Variants in ADAMTSL1 observed in about 807,000 individuals in gnomAD.
ADAMTSL1 encodes the protein ADAMTS like 1.
ADAMTSL1 carries 126 observed loss-of-function variants against 201.8 expected under a neutral mutation model. The observed-to-expected ratio is 0.62, with a 90% CI of 0.54 to 0.72. ADAMTSL1 has a LOEUF of 0.72. Ranked by LOEUF, ADAMTSL1 falls within the 30% of genes least tolerant of loss-of-function variation. The probability of loss-of-function intolerance (pLI) is 0.00; values close to 1 mark genes in which losing one functional copy is unlikely to be tolerated. For synonymous variants in ADAMTSL1, 1,121 were observed against 903.4 expected (o/e 1.24, Z -4.32); for missense variants, 2,679 against 2,277.8 (o/e 1.18, Z -3.59).
In ADAMTSL1 at chr9:18,262,507, T is replaced by C. The variant is rs7857032; in HGVS notation, c.207+98526T>C. ...CGTATAAGAGACATTCTTCAGGGGATAGAGTACCACTGAGCTTCTTCTATT... is the reference window on the plus strand; with the variant it reads ...CGTATAAGAGACATTCTTCAGGGGACAGAGTACCACTGAGCTTCTTCTATT... On this transcript the variant is annotated intron_variant, in intron 2 of 29. Coordinates refer to the ADAMTSL1 transcript ENST00000680146. 5.5e-3 allele frequency among the ~76,000 whole-genome samples: 837 copies of C among 152,332 alleles called. 4 individuals carry two copies. The highest frequency in any genetic ancestry group is 0.021 in the South Asian group (101 of 4,818).
chr9:18,304,025 T>C (rs1184111672), intron 2 of ADAMTSL1, among the ~76,000 whole-genome samples: 2 of 152,202 alleles, frequency 1.3e-5, no homozygotes, highest in Admixed American at 6.5e-5. Context: ...TAAAATGCAT[T>C]TAACCTTGGC....
intron 1 of ADAMTSL1, among the ~76,000 whole-genome samples, chr9:18,482,060 G>T (rs943490309): frequency 6.6e-6 from 1 of 152,178 alleles, no homozygotes; most frequent in Non-Finnish European, 1.5e-5. Context: ...ATATGAGGTT[G>T]TATCTCCCAT....
At chr9:17,982,472 C>A (rs1165383690) in intron 1 of ADAMTSL1, among the ~76,000 whole-genome samples, 1 of 152,058 alleles carries the variant, frequency 6.6e-6, no homozygotes, top group Non-Finnish European at 1.5e-5. Flanking sequence ...ATTAGCTGGT[C>A]GTGGTGGTGG....
At chr9:18,242,874 T>C (rs1831121812) in intron 2 of ADAMTSL1, among the ~76,000 whole-genome samples, 1 of 152,302 alleles carries the variant, frequency 6.6e-6, no homozygotes, top group East Asian at 1.9e-4. Context: ...TGATATCTCA[T>C]GTTCATAGAT....
At chr9:18,712,028 C>G (rs1429036820) in intron 14 of ADAMTSL1, among the ~76,000 whole-genome samples, 1 of 152,108 alleles carries the variant, frequency 6.6e-6, no homozygotes, top group Non-Finnish European at 1.5e-5. Context: ...AGACCTGCAG[C>G]TGAGGGTCCT....
intron 21 of ADAMTSL1, among the ~76,000 whole-genome samples, chr9:18,825,620 A>G (rs1031293175): frequency 6.6e-6 from 1 of 152,194 alleles, no homozygotes; most frequent in African/African-American, 2.4e-5. Context: ...TACATGTATC[A>G]TAAAGGTACC....
At chr9:18,081,216 G>C (rs2131774296) in intron 1 of ADAMTSL1, among the ~76,000 whole-genome samples, 1 of 152,274 alleles carries the variant, frequency 6.6e-6, no homozygotes, top group African/African-American at 2.4e-5. Context: ...GTGGAAAACT[G>C]CTCTTTTAGT....
At chr9:18,457,760 A>C (rs1820661873) in intron 2 of ADAMTSL1, among the ~76,000 whole-genome samples, 1 of 152,194 alleles carries the variant, frequency 6.6e-6, no homozygotes, top group Non-Finnish European at 1.5e-5. Flanking sequence ...GAGGAGTTAG[A>C]GAAAGTGATA....
intron 2 of ADAMTSL1, among the ~76,000 whole-genome samples, chr9:18,422,718 G>A (rs1331185009): frequency 6.6e-6 from 1 of 152,174 alleles, no homozygotes; most frequent in Non-Finnish European, 1.5e-5. Context: ...ATTCATCAAA[G>A]GGCGTAGATC....
At chr9:18,563,176 G>C (rs1303201515) in intron 3 of ADAMTSL1, among the ~76,000 whole-genome samples, 1 of 152,070 alleles carries the variant, frequency 6.6e-6, no homozygotes, top group Non-Finnish European at 1.5e-5. Flanking sequence ...CTTTGATTTT[G>C]GTGACTGAAT....
At chr9:18,202,606 T>C (rs2132279604) in intron 2 of ADAMTSL1, among the ~76,000 whole-genome samples, 1 of 152,330 alleles carries the variant, frequency 6.6e-6, no homozygotes, top group South Asian at 2.1e-4. Context: ...AAGAGCCACG[T>C]GAAGGCTTCT....
chr9:18,681,284 C>G (rs1392397194), intron 11 of ADAMTSL1: 3 of 152,360 alleles, frequency 2.0e-5, no homozygotes, highest in Non-Finnish European at 4.4e-5. Context: ...CATTGGGCAT[C>G]TGGTCATTCA....
At chr9:18,048,056 A>G (rs920537734) in intron 1 of ADAMTSL1, among the ~76,000 whole-genome samples, 1 of 152,198 alleles carries the variant, frequency 6.6e-6, no homozygotes, top group Non-Finnish European at 1.5e-5. Context: ...CAGGGAGTAA[A>G]CATTTGACAC....
At chr9:18,772,148 T>A (rs2133725878) in intron 17 of ADAMTSL1, among the ~76,000 whole-genome samples, 1 of 152,262 alleles carries the variant, frequency 6.6e-6, no homozygotes, top group East Asian at 1.9e-4. Flanking sequence ...TGATTTGGGG[T>A]ATGGCATTTG....
At chr9:18,271,312 C>T (rs921296838) in intron 2 of ADAMTSL1, among the ~76,000 whole-genome samples, 1 of 152,074 alleles carries the variant, frequency 6.6e-6, no homozygotes, top group Non-Finnish European at 1.5e-5. Context: ...GGTATATCTC[C>T]TAATGCTATC....
intron 9 of ADAMTSL1, among the ~76,000 whole-genome samples, chr9:18,664,371 C>T (rs915267509): frequency 3.3e-5 from 5 of 151,584 alleles, no homozygotes; most frequent in Non-Finnish European, 7.4e-5. Context: ...CAGAATCAAA[C>T]CCCCAGGAAG....
rs148244215 is a variant in ADAMTSL1 at position 18,103,798 on chromosome 9, A to G, written c.88-60064A>G. On this transcript the variant is annotated intron_variant, in intron 1 of 29. Transcript: ENST00000680146. Reference sequence around the variant, plus strand: ...TTAAAAGCTGGAAGGGGCTTTAGACATCTTCTAGGCCTTTGTTTCTGGACG... The same window carrying G: ...TTAAAAGCTGGAAGGGGCTTTAGACGTCTTCTAGGCCTTTGTTTCTGGACG... 7.1e-3 allele frequency among the ~76,000 whole-genome samples: 1,076 copies of G among 152,280 alleles called. 19 individuals are homozygous for G. Among genetic ancestry groups the G allele is most frequent in the African/African-American group, 0.023 (967 of 41,546 alleles).
At chr9:18,133,287 C>T (rs750768693) in intron 1 of ADAMTSL1, among the ~76,000 whole-genome samples, 1 of 152,056 alleles carries the variant, frequency 6.6e-6, no homozygotes, top group Non-Finnish European at 1.5e-5. Flanking sequence ...GTAGTAAGAT[C>T]GGCAGTGAGG....
At chr9:18,422,798 C>G (rs1354991636) in intron 2 of ADAMTSL1, among the ~76,000 whole-genome samples, 2 of 152,182 alleles carry the variant, frequency 1.3e-5, no homozygotes, top group Non-Finnish European at 2.9e-5. Context: ...AATCCAGTAA[C>G]TGGTTGCTTT....
Sources: gnomAD v4.1 joint callset for allele counts (sites outside exome capture counted in the v4.1 genomes callset) on GRCh38, gnomAD v4.1.1 for gene constraint, MANE v1.5 for transcripts, NCBI Gene and HGNC (gene_info 2026-07-23, HGNC 2026-07-21) for gene names.